The following DST variants were observed in gnomAD, a reference collection of about 807,000 sequenced individuals.
DST encodes dystonin.
Under a neutral mutation model 875.2 loss-of-function variants are expected in DST, and 253 were observed. The observed-to-expected ratio is 0.29, with a 90% CI of 0.26 to 0.32. The LOEUF (loss-of-function observed/expected upper bound fraction) is 0.32, where lower values mean the gene tolerates loss of function less well. Among genes scored for constraint, DST ranks in the 10% least tolerant of loss-of-function variants. The probability of loss-of-function intolerance (pLI) is 1.00; values close to 1 mark genes in which losing one functional copy is unlikely to be tolerated. For synonymous variants in DST, 3,124 were observed against 3,197.1 expected, an observed-to-expected ratio of 0.98 and a Z score of 0.77; for missense variants, 8,287 against 9,111.6, an observed-to-expected ratio of 0.91 and a Z score of 3.68.
At chr6:56,778,351 CTCT>C (rs1196572566) in intron 4 of DST, among the ~76,000 whole-genome samples, 6 of 134,948 alleles carry the variant, frequency 4.4e-5, no homozygotes, top group African/African-American at 1.4e-4. Flanking sequence ...TTATTCTTTT[CTCT>C]TTTTTTTTTT....
chr6:56,943,120 G>A (rs915969425), intron 2 of DST, among the ~76,000 whole-genome samples: 11 of 151,906 alleles, frequency 7.2e-5, no homozygotes, highest in East Asian at 3.9e-4. Context: ...GCTCTCATTT[G>A]GCATTAATGC....
At chr6:56,923,953 A>G (rs1246407065) in intron 2 of DST, among the ~76,000 whole-genome samples, 1 of 152,126 alleles carries the variant, frequency 6.6e-6, no homozygotes, top group Non-Finnish European at 1.5e-5. Context: ...GCAAAATCCT[A>G]TCTCTACTAA....
intron 43 of DST, 41 bp from the exon 44 acceptor site, chr6:56,601,717 C>A: frequency 8.4e-7 from 1 of 1,194,324 alleles, no homozygotes; most frequent in Admixed American, 2.8e-5. Flanking sequence ...GAAAGTTAAG[C>A]CATGATAAAA....
intron 4 of DST, among the ~76,000 whole-genome samples, chr6:56,778,819 T>A (rs1230406615): frequency 6.6e-6 from 1 of 152,028 alleles, no homozygotes; most frequent in Non-Finnish European, 1.5e-5. Flanking sequence ...GTCTTTGCTG[T>A]TGTGAGTAGA....
In DST at chr6:56,642,455, G is replaced by A; in HGVS notation, c.1827C>T (p.Val609=). The change falls in exon 16 of 104, where the codon GTC becomes GTT. Residue 609 remains valine, a synonymous_variant. Coordinates refer to ENST00000680361, the MANE Select transcript of DST (RefSeq NM_001374736.1). ...CAAGAATCAGTTTGTCTTCACAGAT[G>A]ACACTGTCCCTCTGAACTCTGTTGG... The part of the protein sequence containing the change: ...QIANRVQRDS[V]ICEDKLILAG... 1 of 1,613,686 alleles carries A rather than the reference G, an allele frequency of 6.2e-7. No individual in the cohort carries two copies. The highest frequency in any genetic ancestry group is 1.7e-4 in the Middle Eastern group (1 of 6,060).
chr6:56,555,844 AG>A lies in DST; in HGVS notation c.14641-5del, dbSNP rs768297534. On this transcript the variant is annotated splice_polypyrimidine_tract_variant and splice_region_variant and intron_variant, in intron 59 of 103. Transcript: ENST00000680361. Reference sequence around the variant, plus strand: ...TGGCGAATTCTTGCAGCAAAATCTAAGGTAACAAGGGTAAACAAACGCAAAT... The same window carrying A: ...TGGCGAATTCTTGCAGCAAAATCTAAGTAACAAGGGTAAACAAACGCAAAT... 8.0e-6 allele frequency: 12 copies of A among 1,492,614 alleles called. No individual in the cohort carries two copies. The African/African-American group carries it at 1.5e-4, about 19-fold the overall frequency. The allele number at this position is 1,492,614 out of a possible 1,614,324, so 92.5% of individuals were successfully genotyped here. A position where few individuals can be genotyped will look rare whatever the true frequency, so the allele number is the denominator to read the frequency against.
chr6:56,541,752 T>C (rs1239125391), intron 61 of DST, among the ~76,000 whole-genome samples: 1 of 152,218 alleles, frequency 6.6e-6, no homozygotes, highest in Non-Finnish European at 1.5e-5. Flanking sequence ...AGTGCATCAG[T>C]ATAAATGCAA....
At chr6:56,656,729 A>C in intron 10 of DST, among the ~76,000 whole-genome samples, 1 of 152,226 alleles carries the variant, frequency 6.6e-6, no homozygotes, top group Non-Finnish European at 1.5e-5. Context: ...AGAACTAACT[A>C]AACAGTAACA....
intron 4 of DST, among the ~76,000 whole-genome samples, chr6:56,754,166 A>T (rs917194193): frequency 6.6e-6 from 1 of 152,226 alleles, no homozygotes; most frequent in Non-Finnish European, 1.5e-5. Context: ...ATTCCAAGTG[A>T]TCTCTGGTAA....
Position 56,555,354 on chromosome 6 carries a change from G to C in DST, c.15127C>G (p.Gln5043Glu), listed in dbSNP as rs764649236. 2.5e-6 allele frequency: 4 copies of C among 1,580,278 alleles called. No homozygotes were observed. In the East Asian group the frequency reaches 9.0e-5, roughly 35 times the overall value. The change falls in exon 60 of 104, where the codon CAG becomes GAG. Residue 5043 changes from glutamine (Q) to glutamate (E), a missense_variant. Transcript: ENST00000680361. Reference protein sequence around the residue: ...GILKSFKDVEQKAENHVQHLQ... With the variant: ...GILKSFKDVEEKAENHVQHLQ... ...TTAAAAGTAGACAAACCTGCTTTCT[G>C]TTCAACATCCTTAAATGATTTTAAG...
At chr6:56,555,903 T>A (rs563362362) in intron 59 of DST, 63 bp from the exon 60 acceptor site, 94 of 1,386,314 alleles carry the variant, frequency 6.8e-5, no homozygotes, top group Middle Eastern at 3.7e-4. Context: ...AACACAGATT[T>A]GGTGTCCAAA....
Position 56,607,574 on chromosome 6 carries a change from G to A in DST, c.7054C>T (p.Leu2352Phe). The change falls in exon 40 of 104, where the codon CTT becomes TTT. Residue 2352 changes from leucine (L) to phenylalanine (F), a missense_variant. By Grantham distance (22) the Leu-to-Phe change is conservative. Around this residue, in one of 10 missense-constraint regions of DST, gnomAD observed 3,138 missense variants for 3,116.6 expected, o/e 1.01. Transcript: ENST00000680361. ...SLISYLTQTELADISMLRSDS... is the reference protein window; with the variant it reads ...SLISYLTQTEFADISMLRSDS... ...CTTCTAAGCATGCTAATGTCTGCAA[G>A]TTCAGTCTGTGTTAAATATGATATG... 2 of 1,612,328 alleles carry A rather than the reference G, an allele frequency of 1.2e-6. No homozygotes were observed. Among genetic ancestry groups the A allele is most frequent in the Non-Finnish European group, 1.7e-6 (2 of 1,179,124 alleles).
chr6:56,819,647 A>T (rs1162693229), intron 4 of DST, among the ~76,000 whole-genome samples: 2 of 152,214 alleles, frequency 1.3e-5, no homozygotes, highest in Non-Finnish European at 2.9e-5. Context: ...GCTTAGTATA[A>T]GCAAAAGGAC....
intron 3 of DST, among the ~76,000 whole-genome samples, chr6:56,872,039 C>T (rs189093361): frequency 6.6e-6 from 1 of 152,190 alleles, no homozygotes; most frequent in Admixed American, 6.5e-5. Context: ...GTATGTCCAG[C>T]GATTCTACTA....
intron 5 of DST, among the ~76,000 whole-genome samples, chr6:56,724,655 C>T (rs1016959871): frequency 7.2e-5 from 11 of 152,180 alleles, no homozygotes; most frequent in African/African-American, 2.7e-4. Context: ...AGCATCTCAC[C>T]TCACACTGTC....
In DST at chr6:56,492,972, T is replaced by C; in HGVS notation, c.20512A>G (p.Ile6838Val). The change falls in exon 84 of 104, where the codon ATC becomes GTC. Residue 6838 changes from isoleucine (I) to valine (V), a missense_variant. Physicochemically the swap from Ile to Val is conservative, Grantham distance 29. Coordinates refer to ENST00000680361, the MANE Select transcript of DST (RefSeq NM_001374736.1). Reference protein sequence around the residue: ...TLNVASRPSLILDTVLFQIDE... With the variant: ...TLNVASRPSLVLDTVLFQIDE... ...ATTTGAAATAAGACTGTGTCCAAGA[T>C]GAGACTTGGCCGAGAAGCTACATTT... 4 of 1,612,278 alleles carry C rather than the reference T, an allele frequency of 2.5e-6. No homozygotes were observed. Among genetic ancestry groups the C allele is most frequent in the Non-Finnish European group, 3.4e-6 (4 of 1,179,076 alleles).
chr6:56,471,056 T>C (rs770655781), intron 95 of DST, 50 bp downstream of exon 95: 2 of 1,544,670 alleles, frequency 1.3e-6, no homozygotes, highest in Non-Finnish European at 1.8e-6. Flanking sequence ...AAAATGTGCT[T>C]ATTTCCTTTA....
intron 4 of DST, among the ~76,000 whole-genome samples, chr6:56,784,274 C>T (rs993846380): frequency 3.3e-5 from 5 of 152,150 alleles, no homozygotes; most frequent in African/African-American, 7.2e-5. Flanking sequence ...GTTGGCCTGC[C>T]TTGCTAGATT....
At chr6:56,603,118 C>A in intron 42 of DST, 87 bp from the exon 43 acceptor site, 1 of 1,543,910 alleles carries the variant, frequency 6.5e-7, no homozygotes, top group Non-Finnish European at 8.8e-7. Context: ...AGTTAGCACT[C>A]TAAAACTAAA....
Sources: gnomAD v4.1 joint callset for allele counts (sites outside exome capture counted in the v4.1 genomes callset) on GRCh38, gnomAD v4.1.1 for gene constraint, gnomAD v4.1.1 regional missense constraint, MANE v1.5 for transcripts, NCBI Gene and HGNC (gene_info 2026-07-23, HGNC 2026-07-21) for gene names.